TENM4: variants seen among roughly 807,000 people sequenced by gnomAD.
TENM4 encodes teneurin transmembrane protein 4.
TENM4 carries 82 observed loss-of-function variants against 243.3 expected under a neutral mutation model. That is an observed-to-expected ratio of 0.34 (90% confidence interval 0.28 to 0.40). TENM4 has a LOEUF of 0.40. Among genes scored for constraint, TENM4 ranks in the 10% least tolerant of loss-of-function variants. The pLI, the probability that TENM4 is intolerant of heterozygous loss-of-function variation, is 1.00. For synonymous variants in TENM4, 1,412 were observed against 1,456.3 expected, an observed-to-expected ratio of 0.97 and a Z score of 0.69; for missense variants, 3,138 against 3,673.3, an observed-to-expected ratio of 0.85 and a Z score of 3.77.
chr11:79,002,526 A>C (rs1444969988), intron 6 of TENM4, among the ~76,000 whole-genome samples: 2 of 152,224 alleles, frequency 1.3e-5, no homozygotes, highest in Non-Finnish European at 2.9e-5. Flanking sequence ...ACACAGCCCA[A>C]AAGTGCCAAG....
chr11:78,815,606 A>G (rs1857590182), intron 12 of TENM4, among the ~76,000 whole-genome samples: 1 of 152,190 alleles, frequency 6.6e-6, no homozygotes, highest in African/African-American at 2.4e-5. Flanking sequence ...TGGTAAACCT[A>G]TTATCCAGAA....
At chr11:79,189,424 T>G (rs1405725910) in intron 3 of TENM4, among the ~76,000 whole-genome samples, 1 of 152,272 alleles carries the variant, frequency 6.6e-6, no homozygotes, top group African/African-American at 2.4e-5. Flanking sequence ...TGAAGGAGTA[T>G]GCTTCCTAAG....
intron 4 of TENM4, among the ~76,000 whole-genome samples, chr11:79,074,326 G>T (rs1860483953): frequency 6.6e-6 from 1 of 151,890 alleles, no homozygotes; most frequent in African/African-American, 2.4e-5. Flanking sequence ...AGGGACTTCA[G>T]TACAGTGACC....
At position 79,438,592 on chromosome 11, in the gene TENM4, C is replaced by A. The variant is rs867502782; in HGVS notation, c.-321+1917G>T. Among the ~76,000 whole-genome samples, 1 of 152,150 alleles carries A rather than the reference C, an allele frequency of 6.6e-6. No individual in the cohort carries two copies. Among genetic ancestry groups the A allele is most frequent in the Admixed American group, 6.5e-5 (1 of 15,286 alleles). On this transcript the variant is annotated intron_variant, in intron 1 of 33. Transcript: ENST00000278550. The surrounding 1 kb of genome is among the most constrained non-coding windows in gnomAD (Gnocchi z 4.1). Reference sequence around the variant, plus strand: ...GGCATCTCCAAGGGGGACCAGGCACCGCGGGCAGGTTTCTAAACACGTGAA... The same window carrying A: ...GGCATCTCCAAGGGGGACCAGGCACAGCGGGCAGGTTTCTAAACACGTGAA...
intron 6 of TENM4, among the ~76,000 whole-genome samples, chr11:78,931,164 A>T (rs190734060): frequency 0.013 from 1,949 of 152,282 alleles, 41 homozygotes; most frequent in African/African-American, 0.045. Flanking sequence ...ATGAATTCTC[A>T]TGAGGAAAAT....
At chr11:79,328,633 G>A (rs1342911384) in intron 1 of TENM4, among the ~76,000 whole-genome samples, 5 of 152,158 alleles carry the variant, frequency 3.3e-5, no homozygotes, top group African/African-American at 1.2e-4. Context: ...CGGGGACACA[G>A]GAAGAGTGTG....
chr11:79,180,594 G>C (rs560717518), intron 3 of TENM4, among the ~76,000 whole-genome samples: 11 of 151,354 alleles, frequency 7.3e-5, no homozygotes, highest in African/African-American at 2.7e-4. Flanking sequence ...TTGTGCGTGG[G>C]GTTAATCATA....
chr11:78,863,217 TG>T (rs1265443296), intron 9 of TENM4, 85 bp from the exon 10 acceptor site: 5 of 1,387,830 alleles, frequency 3.6e-6, no homozygotes, highest in Middle Eastern at 2.0e-4. Flanking sequence ...GTGGGCAGGG[TG>T]GGGGAACACA....
At chr11:78,991,310 A>AG (rs1858038739) in intron 6 of TENM4, among the ~76,000 whole-genome samples, 1 of 151,608 alleles carries the variant, frequency 6.6e-6, no homozygotes, top group Admixed American at 6.6e-5. Context: ...TGAGGTTAAA[A>AG]AAAAAGGATT....
At chr11:78,724,070 T>TTTCTTTTTTCTTTTCTTTC (rs1382722807) in intron 23 of TENM4, among the ~76,000 whole-genome samples, 1 of 151,602 alleles carries the variant, frequency 6.6e-6, no homozygotes, top group Non-Finnish European at 1.5e-5. Flanking sequence ...TCTCTCTCCT[T>TTTCTTTTTTCTTTTCTTTC]TTCTTTTTTC....
At chr11:79,087,401 T>G (rs936393609) in intron 4 of TENM4, among the ~76,000 whole-genome samples, 8 of 152,194 alleles carry the variant, frequency 5.3e-5, no homozygotes, top group African/African-American at 1.9e-4. Flanking sequence ...GTCCCCATGC[T>G]GAGAGGATTC....
chr11:79,177,113 G>A (rs537887311), intron 3 of TENM4, among the ~76,000 whole-genome samples: 1 of 151,658 alleles, frequency 6.6e-6, no homozygotes, highest in Non-Finnish European at 1.5e-5. Context: ...TAGAACAGTT[G>A]TTTTAAACGA....
intron 27 of TENM4, among the ~76,000 whole-genome samples, chr11:78,703,775 G>GC (rs1178020559): frequency 3.9e-5 from 6 of 151,940 alleles, no homozygotes; most frequent in Non-Finnish European, 7.4e-5. Context: ...GACTTCCTGA[G>GC]CCCCCTACAA....
intron 30 of TENM4, among the ~76,000 whole-genome samples, chr11:78,673,613 G>A (rs1305279891): frequency 6.6e-6 from 1 of 152,222 alleles, no homozygotes; most frequent in Non-Finnish European, 1.5e-5. Flanking sequence ...CCCTATCCGA[G>A]TCTCAGTTTC....
At chr11:79,145,659 A>G (rs1862383430) in intron 4 of TENM4, among the ~76,000 whole-genome samples, 1 of 152,062 alleles carries the variant, frequency 6.6e-6, no homozygotes, top group African/African-American at 2.4e-5. Context: ...TATTCCAAGG[A>G]GTGAAAGTGC....
At chr11:79,377,694 G>A (rs1333516762) in intron 1 of TENM4, among the ~76,000 whole-genome samples, 1 of 152,166 alleles carries the variant, frequency 6.6e-6, no homozygotes, top group Non-Finnish European at 1.5e-5. Context: ...CAGTCACCAA[G>A]CTAAGCCTTC....
intron 6 of TENM4, among the ~76,000 whole-genome samples, chr11:78,928,338 C>T (rs1221689369): frequency 6.6e-6 from 1 of 152,108 alleles, no homozygotes; most frequent in Non-Finnish European, 1.5e-5. Context: ...TACACCGCCA[C>T]CCCATGGTCT....
intron 2 of TENM4, among the ~76,000 whole-genome samples, chr11:79,234,408 C>T (rs1004085378): frequency 1.3e-5 from 2 of 152,326 alleles, no homozygotes; most frequent in Non-Finnish European, 2.9e-5. Context: ...GCATGTGCAT[C>T]TTATGTCAGT....
chr11:79,325,226 G>C (rs551318), intron 1 of TENM4, among the ~76,000 whole-genome samples: 128,232 of 152,162 alleles, frequency 0.84, 54,654 homozygotes, highest in African/African-American at 0.95. Context: ...GGTCCCCAAC[G>C]TCCACACTTT....
Sources: gnomAD v4.1 joint callset for allele counts (sites outside exome capture counted in the v4.1 genomes callset) on GRCh38, gnomAD v4.1.1 for gene constraint, Gnocchi (gnomAD v3.1) non-coding constraint, MANE v1.5 for transcripts, NCBI Gene and HGNC (gene_info 2026-07-23, HGNC 2026-07-21) for gene names.